KLF13: variants seen among roughly 807,000 people sequenced by gnomAD.
KLF13 encodes Krueppel-like factor 13.
A neutral mutation model predicts 16.7 loss-of-function variants in KLF13; 8 were observed. The ratio of observed to expected loss-of-function variants is 0.48; its 90% CI spans 0.28 to 0.87. The LOEUF (loss-of-function observed/expected upper bound fraction) is 0.87. Among genes scored for constraint, KLF13 ranks in the 40% least tolerant of loss-of-function variants. The pLI, the probability that KLF13 is intolerant of heterozygous loss-of-function variation, is 0.10. For missense variants in KLF13, 447 were observed against 452.2 expected (o/e 0.99, Z 0.10); for synonymous variants, 245 against 208.4 (o/e 1.18, Z -1.51).
chr15:31,400,711 G>A (rs2040022195), intron 2 of KLF13, among the ~76,000 whole-genome samples: 1 of 152,104 alleles, frequency 6.6e-6, no homozygotes, highest in South Asian at 2.1e-4. Context: ...GAAGGTGGAG[G>A]AGGGTGGAGG....
At position 31,372,207 on chromosome 15, in the gene KLF13, C is replaced by T. The variant is rs1418548041; in HGVS notation, c.775C>T (p.Arg259Trp). The change falls in exon 2 of 2, where the codon CGG becomes TGG. Residue 259 changes from arginine (R) to tryptophan (W), a missense_variant. Physicochemically the swap from Arg to Trp is moderately radical, Grantham distance 101. Transcript: ENST00000307145. ...HANFHPGMLQRRGGGSRTGSL... is the reference protein window; with the variant it reads ...HANFHPGMLQWRGGGSRTGSL... ...CAACTTCCACCCGGGAATGCTGCAG[C>T]GGCGCGGCGGGGGCTCGCGGACCGG... 5.0e-6 allele frequency: 8 copies of T among 1,604,886 alleles called. No homozygotes were observed. The African/African-American group carries it at 5.4e-5, about 11-fold the overall frequency.
chr15:31,388,913 G>A (rs1457346767), upstream of KLF13, among the ~76,000 whole-genome samples: 1 of 120,020 alleles, frequency 8.3e-6, no homozygotes, highest in African/African-American at 3.2e-5. Context: ...ATTTGTTTTT[G>A]TCGTTATTCC....
intron 1 of KLF13, among the ~76,000 whole-genome samples, chr15:31,329,558 C>G (rs1014433965): frequency 2.0e-5 from 3 of 152,156 alleles, no homozygotes; most frequent in Admixed American, 6.5e-5. Context: ...GGATGTCTTC[C>G]TGGTGGGTTC....
intron 1 of KLF13, among the ~76,000 whole-genome samples, chr15:31,347,189 C>T (rs1040761499): frequency 8.5e-5 from 13 of 152,190 alleles, no homozygotes; most frequent in Admixed American, 7.2e-4. Flanking sequence ...CTGGTAGCAC[C>T]AGCCTTCCCA....
intron 1 of KLF13, among the ~76,000 whole-genome samples, chr15:31,367,656 C>T (rs927908527): frequency 3.3e-5 from 5 of 152,212 alleles, no homozygotes; most frequent in African/African-American, 1.2e-4. Flanking sequence ...TTTGGGTTGG[C>T]TTCCCCCCAC....
rs536986431 is a variant in KLF13 at position 31,372,459 on chromosome 15, A to C, written c.*160A>C. 96 of 853,604 alleles carry C rather than the reference A, an allele frequency of 1.1e-4. No individual in the cohort carries two copies. The African/African-American group carries it at 1.4e-3, about 13-fold the overall frequency. The allele number at this position is 853,604 out of a possible 1,614,324, so 52.9% of individuals were successfully genotyped here. A position where few individuals can be genotyped will look rare whatever the true frequency, so the allele number is the denominator to read the frequency against. On this transcript the variant is annotated 3_prime_UTR_variant, in exon 2 of 2. Coordinates refer to ENST00000307145, the MANE Select transcript of KLF13 (RefSeq NM_015995.4). ...TAAATTTGTTAAAAAAACAAAAAAA[A>C]CACAAAAATTTCAAAAAACACCACC...
In KLF13 at chr15:31,398,023, C is replaced by T. The variant is rs574635833; in HGVS notation, n.529+4332C>T. Among the ~76,000 whole-genome samples the T allele has an allele frequency of 7.9e-5, 12 of 152,250 alleles. No homozygotes were observed. The East Asian group carries it at 2.3e-3, about 29-fold the overall frequency. On this transcript the variant is annotated intron_variant and non_coding_transcript_variant, in intron 2 of 2. Coordinates refer to the KLF13 transcript ENST00000500533. ...GACCCTGAGTTTATCTTGGGTTTTA[C>T]GCAGTCCGGGGCCAGTAATTAGCCT...
chr15:31,400,302 G>C (rs370786333), intron 2 of KLF13, among the ~76,000 whole-genome samples: 16 of 152,308 alleles, frequency 1.1e-4, no homozygotes, highest in Non-Finnish European at 1.6e-4. Context: ...GGAGAGGCAA[G>C]AAACCATCCT....
rs981278723 is a variant in KLF13, at chr15:31,375,307, G to A, written c.*3008G>A. ...GGCCTTGGAACGCTGCCTCCACTGA[G>A]GCGGGCACACAAGGCGGACCCTCCT... On this transcript the variant is annotated 3_prime_UTR_variant, in exon 2 of 2. Transcript: ENST00000307145. The A allele has an allele frequency of 1.3e-5, 2 of 152,204 alleles. No individual in the cohort carries two copies. Among genetic ancestry groups the A allele is most frequent in the African/African-American group, 4.8e-5 (2 of 41,430 alleles). 9.4% of individuals were successfully genotyped at this position (152,204 alleles called of 1,614,324 possible). A position where few individuals can be genotyped will look rare whatever the true frequency, so the allele number is the denominator to read the frequency against.
rs779034960 is a variant in KLF13 at position 31,327,195 on chromosome 15, C to T, written c.-18C>T. ...ACGACTCGCAGCAAGAGCACCGCCG[C>T]CGGCCCCAGCCCGCAGCATGGCAGC... On this transcript the variant is annotated 5_prime_UTR_variant, in exon 1 of 2. Transcript: ENST00000307145. 9.6e-5 allele frequency: 127 copies of T among 1,317,362 alleles called. 1 individual carries two copies. In the South Asian group the frequency reaches 1.3e-3, roughly 14 times the overall value. The allele number at this position is 1,317,362 out of a possible 1,614,324, so 81.6% of individuals were successfully genotyped here.
In KLF13 at chr15:31,375,813, G is replaced by C. The variant is rs1469256598; in HGVS notation, c.*3514G>C. The C allele has an allele frequency of 6.6e-6, 1 of 152,260 alleles. No homozygotes were observed. Among genetic ancestry groups the C allele is most frequent in the Admixed American group, 6.5e-5 (1 of 15,276 alleles). 9.4% of individuals were successfully genotyped at this position (152,260 alleles called of 1,614,324 possible). ...GAATGGGCAGAGATGTCCTGGATGG[G>C]AACATGGTCCTGGAGGTGCCCTACC... On this transcript the variant is annotated 3_prime_UTR_variant, in exon 2 of 2. Coordinates refer to ENST00000307145, the MANE Select transcript of KLF13 (RefSeq NM_015995.4).
chr15:31,327,739 A>C lies in KLF13; in HGVS notation c.527A>C (p.Lys176Thr). 1 of 1,536,776 alleles carries C rather than the reference A, an allele frequency of 6.5e-7. No individual in the cohort carries two copies. Among genetic ancestry groups the C allele is most frequent in the Non-Finnish European group, 8.8e-7 (1 of 1,137,382 alleles). ...AAGTGCCACTACGCGGGCTGCGAGA[A>C]AGTTTACGGGAAATCTTCGCACCTC... ...KHKCHYAGCE[K>T]VYGKSSHLKA... The change falls in exon 1 of 2, where the codon AAA becomes ACA. Residue 176 changes from lysine to threonine, a missense_variant. Transcript: ENST00000307145.
At chr15:31,417,059 G>A (rs1170242757) in intron 1 of KLF13, among the ~76,000 whole-genome samples, 5 of 152,114 alleles carry the variant, frequency 3.3e-5, no homozygotes, top group Non-Finnish European at 7.4e-5. Flanking sequence ...GATGAGTTTG[G>A]TTTGCCCCCT....
At chr15:31,337,202 G>T (rs1442889341) in intron 1 of KLF13, among the ~76,000 whole-genome samples, 3 of 152,224 alleles carry the variant, frequency 2.0e-5, no homozygotes, top group Non-Finnish European at 4.4e-5. Context: ...GGCAGGCAGG[G>T]ACTCAGATTC....
At chr15:31,332,509 C>G (rs916769068) in intron 1 of KLF13, among the ~76,000 whole-genome samples, 8 of 152,306 alleles carry the variant, frequency 5.3e-5, no homozygotes, top group African/African-American at 1.7e-4. Context: ...TCCACTCCCC[C>G]CTTCCCCCTC....
chr15:31,372,247 A>C lies in KLF13; in HGVS notation c.815A>C (p.Tyr272Ser). Residue 272 changes from tyrosine to serine, a missense_variant, in exon 2 of 2, where the codon TAC becomes TCC. Physicochemically the swap from Tyr to Ser is moderately radical, Grantham distance 144 (BLOSUM62 -2). Transcript: ENST00000307145. Reference protein sequence around the residue: ...GGSRTGSLSDYSRSDASSPTI... With the variant: ...GGSRTGSLSDSSRSDASSPTI... ...TCGCGGACCGGCTCCCTCAGCGACT[A>C]CAGCCGCTCCGACGCCAGCAGCCCC... 6.4e-7 allele frequency: 1 copy of C among 1,570,146 alleles called. No individual in the cohort carries two copies. The highest frequency in any genetic ancestry group is 8.6e-7 in the Non-Finnish European group (1 of 1,162,844).
chr15:31,424,592 C>T (rs2141011591), intron 1 of KLF13, among the ~76,000 whole-genome samples: 1 of 152,122 alleles, frequency 6.6e-6, no homozygotes, highest in African/African-American at 2.4e-5. Flanking sequence ...ATGATAAAAA[C>T]ACCTGACAAA....
chr15:31,422,142 AAAAAAAG>A (rs1449854902), intron 1 of KLF13, among the ~76,000 whole-genome samples: 1 of 151,880 alleles, frequency 6.6e-6, no homozygotes, highest in Non-Finnish European at 1.5e-5. Flanking sequence ...CAAAAAAAAA[AAAAAAAG>A]AAAAAAGAAA....
chr15:31,352,674 C>T (rs2039235734), intron 1 of KLF13, among the ~76,000 whole-genome samples: 1 of 152,250 alleles, frequency 6.6e-6, no homozygotes, highest in Admixed American at 6.5e-5. Context: ...CATTTCCAGC[C>T]TCCTGTGTGC....
Sources: allele counts gnomAD v4.1 joint callset (sites outside exome capture counted in the v4.1 genomes callset), GRCh38; gene constraint gnomAD v4.1.1; transcripts MANE v1.5; gene names NCBI Gene and HGNC (gene_info 2026-07-23, HGNC 2026-07-21).